The following RBP5 variants were observed in gnomAD, a reference collection of about 807,000 sequenced individuals.
RBP5 encodes the protein retinol binding protein 5.
A neutral mutation model predicts 17.8 loss-of-function variants in RBP5; 12 were observed. The observed-to-expected ratio is 0.67, with a 90% CI of 0.43 to 1.09. The LOEUF (loss-of-function observed/expected upper bound fraction) is 1.09. RBP5 is among the 50% of genes least tolerant of loss of function. The pLI, the probability that RBP5 is intolerant of heterozygous loss-of-function variation, is 0.00. For synonymous variants in RBP5, 64 were observed against 68.1 expected, an observed-to-expected ratio of 0.94 and a Z score of 0.30; for missense variants, 172 against 169.4, an observed-to-expected ratio of 1.02 and a Z score of -0.09.
chr12:7,123,359 T>C (rs777987483), downstream of RBP5, among the ~76,000 whole-genome samples: 1 of 152,224 alleles, frequency 6.6e-6, no homozygotes, highest in Non-Finnish European at 1.5e-5. Context: ...TTACTGTCTT[T>C]TATTCCTTGA....
Position 7,128,234 on chromosome 12 carries a change from A to G in RBP5, c.252+6T>C. ...TCCGGCCACCGCCCAGCCAGGGGAA[A>G]TGTACCTGGCATTTTCGTCCGTCCA... On this transcript the variant is annotated splice_donor_region_variant and intron_variant, in intron 2 of 3. Transcript: ENST00000266560. This position sits in a 1 kb window ranked among gnomAD's most constrained non-coding sequence, Gnocchi z 5.3. The G allele has an allele frequency of 1.2e-6, 2 of 1,605,718 alleles. No homozygotes were observed. The highest frequency in any genetic ancestry group is 2.2e-5 in the South Asian group (2 of 90,482).
At chr12:7,128,961 T>G, upstream of RBP5, 1 of 592,398 alleles carries the variant, frequency 1.7e-6, no homozygotes, top group Non-Finnish European at 3.2e-6. This position sits in a 1 kb window ranked among gnomAD's most constrained non-coding sequence, Gnocchi z 5.3. Context: ...ACCAGACTTC[T>G]TCCCTCCCCG....
rs1186120795 is a variant in RBP5 at position 7,124,005 on chromosome 12, G to A, written c.*116C>T. On this transcript the variant is annotated 3_prime_UTR_variant, in exon 4 of 4. Transcript: ENST00000266560. The surrounding 1 kb of genome is among the most constrained non-coding windows in gnomAD (Gnocchi z 5.3). ...GGAGGGGTGAGGAGGGACCCAGAGG[G>A]AGGAAAGGTGGCCAGAGGAAGGGAC... 1.0e-6 allele frequency: 1 copy of A among 957,728 alleles called. No individual in the cohort carries two copies. The highest frequency in any genetic ancestry group is 1.7e-6 in the Non-Finnish European group (1 of 589,028). 59.3% of individuals were successfully genotyped at this position (957,728 alleles called of 1,614,324 possible).
At chr12:7,126,512 T>TGGC (rs1555167375) in intron 2 of RBP5, among the ~76,000 whole-genome samples, 1 of 100,540 alleles carries the variant, frequency 9.9e-6, no homozygotes, top group African/African-American at 3.6e-5. Context: ...GTGGTGGTGG[T>TGGC]GTGTGTGTGT....
intron 2 of RBP5, chr12:7,127,788 T>A: frequency 1.4e-6 from 1 of 691,418 alleles, no homozygotes; most frequent in South Asian, 1.5e-5. Flanking sequence ...GGAGAAGACA[T>A]TAAGAACAAA....
At position 7,128,446 on chromosome 12, in the gene RBP5, G is replaced by A; in HGVS notation, c.74-28C>T. On this transcript the variant is annotated intron_variant, in intron 1 of 3. Coordinates refer to ENST00000266560, the MANE Select transcript of RBP5 (RefSeq NM_031491.4). This position sits in a 1 kb window ranked among gnomAD's most constrained non-coding sequence, Gnocchi z 5.3. ...GTGGGGGCTGCCTGTTAGTAGGGGT[G>A]CTGCTAGCCAGCCAGGAGCTCCTCT... 5 of 1,610,406 alleles carry A rather than the reference G, an allele frequency of 3.1e-6. No homozygotes were observed. Among genetic ancestry groups the A allele is most frequent in the Non-Finnish European group, 3.4e-6 (4 of 1,177,364 alleles).
intron 2 of RBP5, among the ~76,000 whole-genome samples, chr12:7,125,150 G>A (rs1014159982): frequency 1.3e-5 from 2 of 152,086 alleles, no homozygotes; most frequent in African/African-American, 2.4e-5. Flanking sequence ...CAAGTGATCC[G>A]CCCGCCACCG....
Position 7,124,581 on chromosome 12 carries a change from T to C in RBP5, c.354+48A>G. On this transcript the variant is annotated intron_variant, in intron 3 of 3. Transcript: ENST00000266560. This position sits in a 1 kb window ranked among gnomAD's most constrained non-coding sequence, Gnocchi z 5.3. ...ATCTGGTTTGGACAAGGGGATGCCT[T>C]ATAGCTGGAGGCCCTTCTCCCAGAC... The C allele has an allele frequency of 9.3e-7, 1 of 1,074,654 alleles. No homozygotes were observed. The highest frequency in any genetic ancestry group is 1.4e-6 in the Non-Finnish European group (1 of 694,500). The allele number at this position is 1,074,654 out of a possible 1,614,324, so 66.6% of individuals were successfully genotyped here.
intron 2 of RBP5, among the ~76,000 whole-genome samples, chr12:7,126,724 G>T (rs1565645463): frequency 6.6e-6 from 1 of 152,082 alleles, no homozygotes; most frequent in African/African-American, 2.4e-5. Flanking sequence ...ATGGAAATTG[G>T]TTCCAGGACC....
chr12:7,125,080 T>A (rs1939139356), intron 2 of RBP5, among the ~76,000 whole-genome samples: 1 of 152,164 alleles, frequency 6.6e-6, no homozygotes, highest in South Asian at 2.1e-4. Flanking sequence ...TTAATTTTTG[T>A]ATTTTTAGTA....
Position 7,128,749 on chromosome 12 carries a change from G to A in RBP5, c.27C>T (p.Tyr9=), listed in dbSNP as rs1437696990. The A allele has an allele frequency of 6.2e-7, 1 of 1,604,806 alleles. No individual in the cohort carries two copies. Among genetic ancestry groups the A allele is most frequent in the Non-Finnish European group, 8.5e-7 (1 of 1,175,730 alleles). ...CCATGTTCTTCTGCGAGACAAAGCG[G>A]TAGTAGCCAGTGAGGTTGGGAGGCA... MPPNLTGY[Y]RFVSQKNMED... Residue 9 remains tyrosine, a synonymous_variant, in exon 1 of 4, where the codon TAC becomes TAT. Coordinates refer to ENST00000266560, the MANE Select transcript of RBP5 (RefSeq NM_031491.4). This position sits in a 1 kb window ranked among gnomAD's most constrained non-coding sequence, Gnocchi z 5.3.
rs1170365040 is a variant in RBP5, at chr12:7,117,065, G to A, written n.1132C>T. 1 of 152,242 alleles carries A rather than the reference G, an allele frequency of 6.6e-6. No individual in the cohort carries two copies. Among genetic ancestry groups the A allele is most frequent in the Non-Finnish European group, 1.5e-5 (1 of 68,066 alleles). 9.4% of individuals were successfully genotyped at this position (152,242 alleles called of 1,614,324 possible). On this transcript the variant is annotated non_coding_transcript_exon_variant, in exon 4 of 4. Coordinates refer to the RBP5 transcript ENST00000619522. The surrounding 1 kb of genome is among the most constrained non-coding windows in gnomAD (Gnocchi z 4.9). ...TGCAGGCTGCAGTCCTCCAGAGGCG[G>A]GACTGGGGCTGGAGGTCTGCTTCCA...
intron 2 of RBP5, among the ~76,000 whole-genome samples, chr12:7,126,080 A>AAC (rs1939155652): frequency 6.7e-6 from 1 of 148,440 alleles, no homozygotes; most frequent in South Asian, 2.1e-4. Context: ...AAAAAAAAAA[A>AAC]AACACAAAAA....
Position 7,128,334 on chromosome 12 carries a change from C to G in RBP5, c.158G>C (p.Arg53Thr), listed in dbSNP as rs1412164531. ...IEHQGNHMTV[R>T]TLSTFRNYTV... Reference sequence around the variant, plus strand: ...GTAGTTTCGGAAGGTGCTGAGCGTCCTCACCGTCATGTGGTTGCCCTGGTG... The same window carrying G: ...GTAGTTTCGGAAGGTGCTGAGCGTCGTCACCGTCATGTGGTTGCCCTGGTG... The change falls in exon 2 of 4, where the codon AGG (arginine) becomes ACG (threonine). Residue 53 changes from arginine to threonine, a missense_variant. Coordinates refer to ENST00000266560, the MANE Select transcript of RBP5 (RefSeq NM_031491.4). This position sits in a 1 kb window ranked among gnomAD's most constrained non-coding sequence, Gnocchi z 5.3. 3 of 1,614,038 alleles carry G rather than the reference C, an allele frequency of 1.9e-6. No individual in the cohort carries two copies. The highest frequency in any genetic ancestry group is 1.7e-6 in the Non-Finnish European group (2 of 1,179,982).
At position 7,124,582 on chromosome 12, in the gene RBP5, A is replaced by G. The variant is rs1421067383; in HGVS notation, c.354+47T>C. 3.7e-6 allele frequency: 4 copies of G among 1,078,450 alleles called. No homozygotes were observed. Among genetic ancestry groups the G allele is most frequent in the Non-Finnish European group, 5.7e-6 (4 of 697,734 alleles). 66.8% of individuals were successfully genotyped at this position (1,078,450 alleles called of 1,614,324 possible). A position where few individuals can be genotyped will look rare whatever the true frequency, so the allele number is the denominator to read the frequency against. On this transcript the variant is annotated intron_variant, in intron 3 of 3. Coordinates refer to ENST00000266560, the MANE Select transcript of RBP5 (RefSeq NM_031491.4). The surrounding 1 kb of genome is among the most constrained non-coding windows in gnomAD (Gnocchi z 5.3). ...TCTGGTTTGGACAAGGGGATGCCTT[A>G]TAGCTGGAGGCCCTTCTCCCAGACA...
chr12:7,122,166 T>G (rs1035507790), downstream of RBP5: 6 of 152,136 alleles, frequency 3.9e-5, no homozygotes, highest in African/African-American at 1.2e-4. Flanking sequence ...AGGATTGAAT[T>G]TGGAGAATCC....
chr12:7,123,518 T>G (rs1664140619), downstream of RBP5, among the ~76,000 whole-genome samples: 1 of 152,154 alleles, frequency 6.6e-6, no homozygotes, highest in Admixed American at 6.5e-5. Flanking sequence ...ATTCCATCCC[T>G]CATTCCCAAC....
At chr12:7,128,965 C>A (rs1017660452), upstream of RBP5, 6 of 589,072 alleles carry the variant, frequency 1.0e-5, no homozygotes, top group East Asian at 1.6e-4. The surrounding 1 kb of genome is among the most constrained non-coding windows in gnomAD (Gnocchi z 5.3). Context: ...GACTTCTTCC[C>A]TCCCCGCATG....
At chr12:7,116,729 G>A (rs1939010109) in exon 4 of RBP5, 1 of 151,436 alleles carries the variant, frequency 6.6e-6, no homozygotes, top group African/African-American at 2.5e-5. Context: ...GAGCACTGAG[G>A]ATGGAGTCAT....
Sources: allele counts gnomAD v4.1 joint callset (sites outside exome capture counted in the v4.1 genomes callset), GRCh38; gene constraint gnomAD v4.1.1; non-coding constraint Gnocchi (gnomAD v3.1); transcripts MANE v1.5; gene names NCBI Gene and HGNC (gene_info 2026-07-23, HGNC 2026-07-21).